The following BICDL1 variants were observed in gnomAD, a reference collection of about 807,000 sequenced individuals.
The protein encoded by BICDL1 is BICD family like cargo adaptor 1.
A neutral mutation model predicts 76.8 loss-of-function variants in BICDL1; 20 were observed. The ratio of observed to expected loss-of-function variants is 0.26; its 90% confidence interval spans 0.18 to 0.38. The LOEUF (loss-of-function observed/expected upper bound fraction) is 0.38. Ranked by LOEUF, BICDL1 falls within the 10% of genes least tolerant of loss-of-function variation. The pLI is 1.00. For synonymous variants in BICDL1, 383 were observed against 337.1 expected, an observed-to-expected ratio of 1.14 and a Z score of -1.49; for missense variants, 700 against 798.6, an observed-to-expected ratio of 0.88 and a Z score of 1.49.
chr12:120,052,983 T>C (rs1952895772), intron 2 of BICDL1, among the ~76,000 whole-genome samples: 1 of 152,198 alleles, frequency 6.6e-6, no homozygotes, highest in Non-Finnish European at 1.5e-5. Flanking sequence ...TTTCACCATG[T>C]TGGCCAGGCT....
At chr12:119,993,867 C>T (rs1951580492) in intron 1 of BICDL1, among the ~76,000 whole-genome samples, 1 of 152,218 alleles carries the variant, frequency 6.6e-6, no homozygotes, top group South Asian at 2.1e-4. Context: ...CCTCCCGCCT[C>T]AGCCTCCCAA....
chr12:120,072,098 G>A lies in BICDL1; in HGVS notation c.1089+297G>A, dbSNP rs149075456. Among the ~76,000 whole-genome samples the A allele has an allele frequency of 4.4e-3, 668 of 152,350 alleles. 8 individuals are homozygous for A. Among genetic ancestry groups the A allele is most frequent in the Admixed American group, 0.012 (189 of 15,302 alleles). On this transcript the variant is annotated intron_variant, in intron 5 of 9. Coordinates refer to ENST00000548673, the MANE Select transcript of BICDL1 (RefSeq NM_001367886.1). ...CCAGTTCCTCTTAGGAAATGCTTGTGCCATCAGCTCCATACCTGTTATACT... is the reference window on the plus strand; with the variant it reads ...CCAGTTCCTCTTAGGAAATGCTTGTACCATCAGCTCCATACCTGTTATACT...
chr12:120,094,397 C>G lies in BICDL1; in HGVS notation c.*1236C>G. 1 of 382,772 alleles carries G rather than the reference C, an allele frequency of 2.6e-6. No homozygotes were observed. The highest frequency in any genetic ancestry group is 1.9e-5 in the South Asian group (1 of 53,812). 23.7% of individuals were successfully genotyped at this position (382,772 alleles called of 1,614,324 possible). A position where few individuals can be genotyped will look rare whatever the true frequency, so the allele number is the denominator to read the frequency against. On this transcript the variant is annotated 3_prime_UTR_variant, in exon 10 of 10. Transcript: ENST00000548673. ...ATACATGTATGGATTTTATAATATACATATATAAAAATCTATAAAGGCATA... is the reference window on the plus strand; with the variant it reads ...ATACATGTATGGATTTTATAATATAGATATATAAAAATCTATAAAGGCATA...
chr12:120,031,529 A>G (rs147662939), intron 2 of BICDL1, among the ~76,000 whole-genome samples: 134 of 152,296 alleles, frequency 8.8e-4, no homozygotes, highest in African/African-American at 3.2e-3. Context: ...GTATTCATCA[A>G]TCACTTCATT....
Position 120,071,758 on chromosome 12 carries a change from A to C in BICDL1, c.1046A>C (p.Glu349Ala), listed in dbSNP as rs1873122061. 1 of 1,611,794 alleles carries C rather than the reference A, an allele frequency of 6.2e-7. No homozygotes were observed. Among genetic ancestry groups the C allele is most frequent in the African/African-American group, 1.3e-5 (1 of 74,842 alleles). Residue 349 changes from glutamate to alanine, a missense_variant, in exon 5 of 10, where the codon GAG becomes GCG. By Grantham distance (107) the Glu-to-Ala change is moderately radical (BLOSUM62 -1). Transcript: ENST00000548673. The surrounding 1 kb of genome is among the most constrained non-coding windows in gnomAD (Gnocchi z 4.8). ...AGCACATCCCTCCTGTCAGAGATCG[A>C]GCAGAGCATGGAGGCTGAGGAGCTG... is the stretch of plus-strand genomic sequence containing the variant. Reference protein sequence around the residue: ...ATSTSLLSEIEQSMEAEELEQ... With the variant: ...ATSTSLLSEIAQSMEAEELEQ...
chr12:120,092,519 G>A (rs1875064296), intron 9 of BICDL1: 1 of 985,368 alleles, frequency 1.0e-6, no homozygotes. Flanking sequence ...TAATTGGAAA[G>A]GAAAAGGCAG....
intron 2 of BICDL1, among the ~76,000 whole-genome samples, chr12:120,049,275 A>G (rs1952808805): frequency 6.6e-6 from 1 of 152,196 alleles, no homozygotes; most frequent in Non-Finnish European, 1.5e-5. Flanking sequence ...GGGAAAGAAC[A>G]AGGATAAAGG....
intron 2 of BICDL1, among the ~76,000 whole-genome samples, chr12:120,030,608 C>T (rs1018288460): frequency 6.6e-6 from 1 of 152,194 alleles, no homozygotes; most frequent in Non-Finnish European, 1.5e-5. Context: ...CCCAAGGTCA[C>T]ATAACATTAT....
At chr12:120,014,792 G>A (rs765317878) in intron 2 of BICDL1, among the ~76,000 whole-genome samples, 7 of 151,198 alleles carry the variant, frequency 4.6e-5, no homozygotes, top group East Asian at 3.9e-4. Flanking sequence ...CCAGAAGTTC[G>A]AGACCACCCT....
At chr12:120,019,922 G>A (rs545950312) in intron 2 of BICDL1, among the ~76,000 whole-genome samples, 21 of 152,326 alleles carry the variant, frequency 1.4e-4, no homozygotes, top group African/African-American at 5.1e-4. Context: ...GGTTTGAGGA[G>A]CAGCTGTGAT....
intron 2 of BICDL1, among the ~76,000 whole-genome samples, chr12:120,044,888 G>A (rs1383230441): frequency 3.9e-5 from 6 of 152,008 alleles, no homozygotes; most frequent in African/African-American, 4.8e-5. Flanking sequence ...TTGGCGATGC[G>A]GGCTCTTTTT....
chr12:120,090,891 C>T lies in BICDL1; in HGVS notation c.1704+820C>T, dbSNP rs902656347. ...GCGCCCTGGCTGACCGCTGCTCTCT[C>T]TCTTCTCTCCCGGCTACAGTTTGCT... On this transcript the variant is annotated intron_variant, in intron 9 of 9. Coordinates refer to ENST00000548673, the MANE Select transcript of BICDL1 (RefSeq NM_001367886.1). 9.3e-6 allele frequency: 12 copies of T among 1,288,960 alleles called. No homozygotes were observed. The African/African-American group carries it at 1.5e-4, about 16-fold the overall frequency. 79.8% of individuals were successfully genotyped at this position (1,288,960 alleles called of 1,614,324 possible). A position where few individuals can be genotyped will look rare whatever the true frequency, so the allele number is the denominator to read the frequency against.
rs1422832762 is a variant in BICDL1, at chr12:120,094,096, G to C, written c.*935G>C. The C allele has an allele frequency of 2.4e-6, 1 of 420,248 alleles. No individual in the cohort carries two copies. The highest frequency in any genetic ancestry group is 2.1e-5 in the African/African-American group (1 of 48,754). 26.0% of individuals were successfully genotyped at this position (420,248 alleles called of 1,614,324 possible). ...GGCAGCACAGGCACCACGGGGTGGAGGGGAGGGGGAGGCTGCCGGAAGCCT... is the reference window on the plus strand; with the variant it reads ...GGCAGCACAGGCACCACGGGGTGGACGGGAGGGGGAGGCTGCCGGAAGCCT... On this transcript the variant is annotated 3_prime_UTR_variant, in exon 10 of 10. Coordinates refer to ENST00000548673, the MANE Select transcript of BICDL1 (RefSeq NM_001367886.1).
At chr12:120,087,971 C>T (rs1188996885) in intron 8 of BICDL1, among the ~76,000 whole-genome samples, 2 of 152,004 alleles carry the variant, frequency 1.3e-5, no homozygotes, top group Non-Finnish European at 2.9e-5. Flanking sequence ...CTCTTGTTGC[C>T]CAGGCTGGAG....
At chr12:120,027,742 C>T (rs1228829702) in intron 2 of BICDL1, among the ~76,000 whole-genome samples, 1 of 152,198 alleles carries the variant, frequency 6.6e-6, no homozygotes, top group Admixed American at 6.5e-5. Flanking sequence ...CTAGAATTTT[C>T]TCTTGGGTAT....
intron 2 of BICDL1, among the ~76,000 whole-genome samples, chr12:120,027,810 A>T (rs1474856148): frequency 6.6e-6 from 1 of 152,230 alleles, no homozygotes; most frequent in Non-Finnish European, 1.5e-5. Context: ...AGCTATTTTC[A>T]TCTTAAGACA....
At position 119,989,594 on chromosome 12, in the gene BICDL1, C is replaced by T. The variant is rs1951468209; in HGVS notation, c.-275C>T. On this transcript the variant is annotated 5_prime_UTR_variant, in exon 1 of 10. Coordinates refer to ENST00000548673, the MANE Select transcript of BICDL1 (RefSeq NM_001367886.1). The stretch of plus-strand genomic sequence containing the variant: ...CTGAGTCCTCCCTTCCCCAGCCTTC[C>T]CGTTCCCACCACCTACTCCGCCACT... 6.6e-6 allele frequency among the ~76,000 whole-genome samples: 1 copy of T among 150,430 alleles called. No individual in the cohort carries two copies.
chr12:120,084,494 G>A (rs1009867878), intron 8 of BICDL1, among the ~76,000 whole-genome samples: 2 of 152,172 alleles, frequency 1.3e-5, no homozygotes, highest in Admixed American at 6.5e-5. Flanking sequence ...TACTTGTTGG[G>A]AAGCTAAAAT....
intron 9 of BICDL1, chr12:120,090,893 C>T: frequency 1.6e-6 from 2 of 1,288,906 alleles, no homozygotes; most frequent in South Asian, 2.5e-5. Context: ...TGCTCTCTCT[C>T]TTCTCTCCCG....
Sources: gnomAD v4.1 joint callset for allele counts (sites outside exome capture counted in the v4.1 genomes callset) on GRCh38, gnomAD v4.1.1 for gene constraint, Gnocchi (gnomAD v3.1) non-coding constraint, MANE v1.5 for transcripts, NCBI Gene and HGNC (gene_info 2026-07-23, HGNC 2026-07-21) for gene names.